Variants in PRMT8 observed in about 807,000 individuals in gnomAD.
The protein encoded by PRMT8 is protein arginine N-methyltransferase 8.
A neutral mutation model predicts 47.1 loss-of-function variants in PRMT8; 7 were observed. That is an observed-to-expected ratio of 0.15 (90% CI 0.08 to 0.28). The LOEUF is 0.28. Ranked by LOEUF, PRMT8 falls within the 10% of genes least tolerant of loss-of-function variation. The probability of loss-of-function intolerance (pLI) is 1.00; values close to 1 mark genes in which losing one functional copy is unlikely to be tolerated. For missense variants in PRMT8, 237 were observed against 505.4 expected, an observed-to-expected ratio of 0.47 and a Z score of 5.09; for synonymous variants, 188 against 186.5, an observed-to-expected ratio of 1.01 and a Z score of -0.07.
chr12:3,563,237 C>A (rs953072732), intron 4 of PRMT8, among the ~76,000 whole-genome samples: 1 of 152,000 alleles, frequency 6.6e-6, no homozygotes, highest in Non-Finnish European at 1.5e-5. Flanking sequence ...GCTAGCAGGG[C>A]TTTAGAGCTC....
Position 3,552,042 on chromosome 12 carries a change from A to G in PRMT8, c.418-1609A>G, listed in dbSNP as rs367610450. ...CAGGAGTTCAAGACCAGCCTGGCCAACATGGCGAAACCCTGTCTCTACTAA... is the reference window on the plus strand; with the variant it reads ...CAGGAGTTCAAGACCAGCCTGGCCAGCATGGCGAAACCCTGTCTCTACTAA... On this transcript the variant is annotated intron_variant, in intron 3 of 9. Transcript: ENST00000382622. This position sits in a 1 kb window ranked among gnomAD's most constrained non-coding sequence, Gnocchi z 4.5. 3.9e-5 allele frequency: 6 copies of G among 152,476 alleles called. No individual in the cohort carries two copies. The highest frequency in any genetic ancestry group is 1.4e-4 in the African/African-American group (6 of 41,580). 9.4% of individuals were successfully genotyped at this position (152,476 alleles called of 1,614,324 possible).
At chr12:3,575,193 G>A (rs1484492927) in intron 6 of PRMT8, among the ~76,000 whole-genome samples, 1 of 152,178 alleles carries the variant, frequency 6.6e-6, no homozygotes, top group African/African-American at 2.4e-5. Context: ...AGCTCTTTGT[G>A]TGCCTTATAA....
intron 1 of PRMT8, among the ~76,000 whole-genome samples, chr12:3,507,882 C>T (rs1014296393): frequency 2.0e-5 from 3 of 151,906 alleles, no homozygotes; most frequent in Admixed American, 6.6e-5. Flanking sequence ...CCTCAGCCTC[C>T]TGAGTACCTG....
Position 3,572,690 on chromosome 12 carries a change from G to A in PRMT8, c.712+3126G>A, listed in dbSNP as rs1158267435. On this transcript the variant is annotated intron_variant, in intron 6 of 9. Coordinates refer to ENST00000382622, the MANE Select transcript of PRMT8 (RefSeq NM_019854.5). The surrounding 1 kb of genome is among the most constrained non-coding windows in gnomAD (Gnocchi z 5.9). ...AGAGCCTAAAATGTGTCAATCTAGT[G>A]TAAACACTTTCCCTTCTGCACAGAG... is the stretch of plus-strand genomic sequence containing the variant. Among the ~76,000 whole-genome samples, 2 of 152,192 alleles carry A rather than the reference G, an allele frequency of 1.3e-5. No individual in the cohort carries two copies. Among genetic ancestry groups the A allele is most frequent in the Non-Finnish European group, 2.9e-5 (2 of 68,034 alleles).
intron 4 of PRMT8, among the ~76,000 whole-genome samples, chr12:3,567,477 C>T (rs1429201877): frequency 2.0e-5 from 3 of 152,168 alleles, no homozygotes; most frequent in African/African-American, 7.2e-5. Context: ...ATAGAGGAGG[C>T]ATCTATGCTT....
chr12:3,479,606 G>C (rs1242740852), intron 1 of PRMT8, among the ~76,000 whole-genome samples: 1 of 152,188 alleles, frequency 6.6e-6, no homozygotes, highest in Non-Finnish European at 1.5e-5. Flanking sequence ...AGCGGCTACT[G>C]TAGCATCTCT....
At chr12:3,532,713 A>G (rs1866052541) in intron 1 of PRMT8, among the ~76,000 whole-genome samples, 1 of 151,468 alleles carries the variant, frequency 6.6e-6, no homozygotes, top group African/African-American at 2.4e-5. Flanking sequence ...CCAATTATAC[A>G]GTATACAATG....
intron 1 of PRMT8, among the ~76,000 whole-genome samples, chr12:3,434,200 G>T (rs935107535): frequency 6.6e-6 from 1 of 152,158 alleles, no homozygotes; most frequent in Non-Finnish European, 1.5e-5. Flanking sequence ...TTTAGGGACT[G>T]TTGAGAAATC....
intron 1 of PRMT8, among the ~76,000 whole-genome samples, chr12:3,389,624 C>T (rs541622476): frequency 3.3e-5 from 5 of 152,264 alleles, no homozygotes; most frequent in South Asian, 2.1e-4. Context: ...GGAGGGGAAG[C>T]GTATAATATG....
intron 1 of PRMT8, among the ~76,000 whole-genome samples, chr12:3,438,566 C>T (rs1233282847): frequency 3.3e-5 from 5 of 152,194 alleles, no homozygotes; most frequent in African/African-American, 1.2e-4. Flanking sequence ...TCTGTTTCTC[C>T]CACGAGGCCT....
At chr12:3,532,638 A>T (rs1206771124) in intron 1 of PRMT8, among the ~76,000 whole-genome samples, 1 of 150,750 alleles carries the variant, frequency 6.6e-6, no homozygotes, top group Non-Finnish European at 1.5e-5. Flanking sequence ...AAAAAAAAAA[A>T]AAAGAGCTCT....
At chr12:3,551,076 A>ACCCCCCCCCCCCCCCCCCCCCCCCC (rs3837513) in intron 3 of PRMT8, 4 of 137,114 alleles carry the variant, frequency 2.9e-5, no homozygotes, top group South Asian at 2.4e-4. Flanking sequence ...AGCCCTGGGG[A>ACCCCCCCCCCCCCCCCCCCCCCCCC]CCCCCCCCCG....
chr12:3,411,118 G>T (rs2137056028), intron 1 of PRMT8, among the ~76,000 whole-genome samples: 1 of 152,184 alleles, frequency 6.6e-6, no homozygotes, highest in East Asian at 1.9e-4. Flanking sequence ...GCTCTTTGGG[G>T]TCCCAGCTGA....
At chr12:3,464,932 C>G (rs1300843904) in intron 1 of PRMT8, among the ~76,000 whole-genome samples, 1 of 151,876 alleles carries the variant, frequency 6.6e-6, no homozygotes, top group East Asian at 1.9e-4. Flanking sequence ...CCAGACCAGC[C>G]TGACCAACAT....
chr12:3,516,261 T>A (rs142506183), intron 1 of PRMT8, among the ~76,000 whole-genome samples: 2 of 152,372 alleles, frequency 1.3e-5, no homozygotes, highest in African/African-American at 4.8e-5. Flanking sequence ...GCTCTGTCAC[T>A]GTGCTTCTCT....
intron 1 of PRMT8, among the ~76,000 whole-genome samples, chr12:3,383,838 G>A (rs1864116179): frequency 1.3e-5 from 2 of 152,320 alleles, no homozygotes; most frequent in South Asian, 4.1e-4. Context: ...TTGAGTGATT[G>A]TAAGTGGTAT....
chr12:3,522,778 AAAAC>A lies in PRMT8; in HGVS notation c.76-17816_76-17813del, dbSNP rs552473350. 5.5e-3 allele frequency among the ~76,000 whole-genome samples: 836 copies of A among 151,926 alleles called. 8 individuals carry two copies. The highest frequency in any genetic ancestry group is 7.9e-3 in the Non-Finnish European group (538 of 67,986). On this transcript the variant is annotated intron_variant, in intron 1 of 9. Transcript: ENST00000382622. Reference sequence around the variant, plus strand: ...CATTACACTAGGGTCAAAAAACTGGAAAACAAACAAACAAAAAACAAACAAACAA... The same window carrying A: ...CATTACACTAGGGTCAAAAAACTGGAAAACAAACAAAAAACAAACAAACAA...
intron 1 of PRMT8, among the ~76,000 whole-genome samples, chr12:3,519,796 G>A (rs898035552): frequency 1.3e-5 from 2 of 152,178 alleles, no homozygotes; most frequent in African/African-American, 4.8e-5. Flanking sequence ...GTTGGATGGG[G>A]ACTGTGACTA....
chr12:3,521,903 G>GTAT (rs1242314442), intron 1 of PRMT8, among the ~76,000 whole-genome samples: 3 of 128,020 alleles, frequency 2.3e-5, no homozygotes, highest in Admixed American at 1.7e-4. Context: ...CTGGTAGAAG[G>GTAT]TATTAATTCA....
Sources: gnomAD v4.1 joint callset for allele counts (sites outside exome capture counted in the v4.1 genomes callset) on GRCh38, gnomAD v4.1.1 for gene constraint, Gnocchi (gnomAD v3.1) non-coding constraint, MANE v1.5 for transcripts, NCBI Gene and HGNC (gene_info 2026-07-23, HGNC 2026-07-21) for gene names.